The following RALGPS2 variants were observed in gnomAD, a reference collection of about 807,000 sequenced individuals.
RALGPS2 encodes Ral GEF with PH domain and SH3 binding motif 2, also known as ras-specific guanine nucleotide-releasing factor RalGPS2.
Under a neutral mutation model 86.8 loss-of-function variants are expected in RALGPS2, and 43 were observed. The observed-to-expected ratio is 0.50, with a 90% CI of 0.39 to 0.64. The LOEUF is 0.64. RALGPS2 is among the 30% of genes least tolerant of loss of function. The pLI is 0.00. For missense variants in RALGPS2, 536 were observed against 694.6 expected, an observed-to-expected ratio of 0.77 and a Z score of 2.57; for synonymous variants, 243 against 231.3, an observed-to-expected ratio of 1.05 and a Z score of -0.46.
In RALGPS2 at chr1:178,764,879, A is replaced by G. The variant is rs558407490; in HGVS notation, c.-83-11803A>G. 2.3e-3 allele frequency among the ~76,000 whole-genome samples: 356 copies of G among 152,240 alleles called. 1 individual carries two copies. Among genetic ancestry groups the G allele is most frequent in the African/African-American group, 8.3e-3 (343 of 41,552 alleles). On this transcript the variant is annotated intron_variant, in intron 1 of 19. Transcript: ENST00000367635. ...GGGCCTAGTGGGAGGTGATTGGATC[A>G]TGGGGGTGGTTTCTAATGGTTTAGC...
At chr1:178,861,580 G>T (rs1434076624) in intron 8 of RALGPS2, among the ~76,000 whole-genome samples, 5 of 151,928 alleles carry the variant, frequency 3.3e-5, no homozygotes, top group Non-Finnish European at 5.9e-5. Flanking sequence ...GCTAGAATTG[G>T]TTATACCATC....
At position 178,893,952 on chromosome 1, in the gene RALGPS2, A is replaced by G. The variant is rs1659829172; in HGVS notation, c.1359A>G (p.Leu453=). ...SAESEDLAVH[L]YPGAVTIQGV... is the part of the protein sequence containing the mutation. ...AATCAGAAGATTTGGCAGTACATTT[A>G]TATCCAGGAGCTGTTACTATTCAAG... Residue 453 remains leucine, a synonymous_variant, in exon 16 of 20, where the codon TTA becomes TTG. Coordinates refer to ENST00000367635, the MANE Select transcript of RALGPS2 (RefSeq NM_152663.5). The G allele has an allele frequency of 1.9e-6, 3 of 1,608,994 alleles. No individual in the cohort carries two copies. Among genetic ancestry groups the G allele is most frequent in the African/African-American group, 1.3e-5 (1 of 74,832 alleles).
At chr1:178,782,872 A>G (rs1653463150) in intron 2 of RALGPS2, among the ~76,000 whole-genome samples, 2 of 152,204 alleles carry the variant, frequency 1.3e-5, no homozygotes, top group Admixed American at 1.3e-4. Context: ...GCCTAGCATG[A>G]TAAAAATAAA....
At chr1:178,786,164 G>A (rs538281114) in intron 4 of RALGPS2, among the ~76,000 whole-genome samples, 1 of 152,198 alleles carries the variant, frequency 6.6e-6, no homozygotes. Flanking sequence ...AAGGGTGGTA[G>A]AGGTGGAAGA....
intron 1 of RALGPS2, among the ~76,000 whole-genome samples, chr1:178,735,170 T>C (rs1402989536): frequency 6.6e-6 from 1 of 152,110 alleles, no homozygotes; most frequent in Non-Finnish European, 1.5e-5. Context: ...TGGAAAAGAA[T>C]GAACTATAGC....
At chr1:178,821,379 G>A (rs892006467) in intron 6 of RALGPS2, among the ~76,000 whole-genome samples, 8 of 152,098 alleles carry the variant, frequency 5.3e-5, no homozygotes, top group Non-Finnish European at 1.2e-4. Context: ...CTCAACTAGA[G>A]GTAGATTTAT....
At position 178,916,045 on chromosome 1, in the gene RALGPS2, C is replaced by T. The variant is rs944128548; in HGVS notation, c.1723-285C>T. On this transcript the variant is annotated intron_variant, in intron 19 of 19. Coordinates refer to ENST00000367635, the MANE Select transcript of RALGPS2 (RefSeq NM_152663.5). ...TGCTCTCATTTATTCATTCAGTAAA[C>T]GTCTACTGAGCCCCCTGTGTTAGAC... Among the ~76,000 whole-genome samples the T allele has an allele frequency of 1.1e-4, 17 of 152,142 alleles. 1 individual carries two copies. The highest frequency in any genetic ancestry group is 2.4e-4 in the Non-Finnish European group (16 of 68,024).
chr1:178,815,648 G>A (rs1655189451), intron 6 of RALGPS2, among the ~76,000 whole-genome samples: 1 of 152,172 alleles, frequency 6.6e-6, no homozygotes. Flanking sequence ...AGAACTGTGA[G>A]GATTAAGTCC....
intron 8 of RALGPS2, chr1:178,865,111 ATGTTG>A: frequency 6.3e-7 from 1 of 1,575,894 alleles, no homozygotes; most frequent in Non-Finnish European, 8.6e-7. Context: ...TGTTAGGAAT[ATGTTG>A]TGGCACCACC....
At position 178,921,795 on chromosome 1, in the gene RALGPS2, TAC is replaced by T. The variant is rs1341844786; in HGVS notation, c.*5438_*5439del. 1 of 152,110 alleles carries T rather than the reference TAC, an allele frequency of 6.6e-6. No individual in the cohort carries two copies. The highest frequency in any genetic ancestry group is 1.5e-5 in the Non-Finnish European group (1 of 67,968). 9.4% of individuals were successfully genotyped at this position (152,110 alleles called of 1,614,324 possible). A position where few individuals can be genotyped will look rare whatever the true frequency, so the allele number is the denominator to read the frequency against. On this transcript the variant is annotated 3_prime_UTR_variant, in exon 20 of 20. Transcript: ENST00000367635. ...TAAGCTAACTTAAGATGAATTTAAG[TAC>T]AGTTTTCTGAAATATTTCTATTGAA...
intron 4 of RALGPS2, among the ~76,000 whole-genome samples, chr1:178,803,707 T>A (rs1446705105): frequency 6.7e-6 from 1 of 149,052 alleles, no homozygotes. Flanking sequence ...CATTATTTCT[T>A]TCAGAAATTT....
intron 8 of RALGPS2, chr1:178,865,505 A>G: frequency 6.2e-7 from 1 of 1,614,098 alleles, no homozygotes; most frequent in African/African-American, 1.3e-5. Context: ...CCTGGAGAGC[A>G]CATCCTTCAG....
At chr1:178,747,902 C>T (rs951760443) in intron 1 of RALGPS2, 5 of 540,988 alleles carry the variant, frequency 9.2e-6, no homozygotes, top group Non-Finnish European at 1.7e-5. Flanking sequence ...CTAGCACTAC[C>T]TATCTAAAAG....
intron 2 of RALGPS2, among the ~76,000 whole-genome samples, 163 bp downstream of exon 2, chr1:178,776,984 G>T (rs555297993): frequency 6.6e-6 from 1 of 151,296 alleles, no homozygotes; most frequent in East Asian, 1.9e-4. Flanking sequence ...AAGTTTTAGG[G>T]TACATGTGCA....
At chr1:178,803,922 G>A (rs1654604341) in intron 4 of RALGPS2, among the ~76,000 whole-genome samples, 2 of 152,130 alleles carry the variant, frequency 1.3e-5, no homozygotes, top group South Asian at 4.1e-4. Context: ...AATTCTTGAT[G>A]AAGTCCTGTC....
intron 1 of RALGPS2, chr1:178,747,532 C>T (rs1426171474): frequency 6.2e-7 from 1 of 1,612,022 alleles, no homozygotes; most frequent in East Asian, 2.2e-5. Context: ...CTGCTTTGGT[C>T]TTCTGCTGCC....
Position 178,761,399 on chromosome 1 carries a change from A to G in RALGPS2, c.-83-15283A>G, listed in dbSNP as rs1287409633. On this transcript the variant is annotated intron_variant, in intron 1 of 19. Coordinates refer to ENST00000367635, the MANE Select transcript of RALGPS2 (RefSeq NM_152663.5). ...AGCGGAGATCGAGCCACTGCATTCCAGCCTGGGCGACTTGAGTGACACTCT... is the reference window on the plus strand; with the variant it reads ...AGCGGAGATCGAGCCACTGCATTCCGGCCTGGGCGACTTGAGTGACACTCT... Among the ~76,000 whole-genome samples, 5 of 150,960 alleles carry G rather than the reference A, an allele frequency of 3.3e-5. 1 individual carries two copies. The highest frequency in any genetic ancestry group is 7.4e-5 in the Non-Finnish European group (5 of 67,846).
At chr1:178,764,614 T>C (rs1284011148) in intron 1 of RALGPS2, among the ~76,000 whole-genome samples, 1 of 152,250 alleles carries the variant, frequency 6.6e-6, no homozygotes, top group Non-Finnish European at 1.5e-5. Context: ...TTCCTTTCCA[T>C]GTTTAGCACT....
chr1:178,819,529 T>G (rs990131770), intron 6 of RALGPS2, among the ~76,000 whole-genome samples: 1 of 152,180 alleles, frequency 6.6e-6, no homozygotes, highest in African/African-American at 2.4e-5. Flanking sequence ...CCCTGGGCAA[T>G]GTGTCCCATG....
Sources: gnomAD v4.1 joint callset for allele counts (sites outside exome capture counted in the v4.1 genomes callset) on GRCh38, gnomAD v4.1.1 for gene constraint, MANE v1.5 for transcripts, NCBI Gene and HGNC (gene_info 2026-07-23, HGNC 2026-07-21) for gene names.